SEZ6L: variants seen among roughly 807,000 people sequenced by gnomAD.
SEZ6L encodes seizure related 6 homolog like.
SEZ6L carries 37 observed loss-of-function variants against 106.2 expected under a neutral mutation model. The observed-to-expected ratio is 0.35, with a 90% CI of 0.27 to 0.46. SEZ6L has a LOEUF of 0.46. SEZ6L is among the 20% of genes least tolerant of loss of function. SEZ6L has a pLI of 1.00. For synonymous variants in SEZ6L, 541 were observed against 570.4 expected (o/e 0.95, Z 0.73); for missense variants, 1,172 against 1,332.8 (o/e 0.88, Z 1.88).
intron 1 of SEZ6L, among the ~76,000 whole-genome samples, chr22:26,220,216 A>G (rs2078424452): frequency 6.6e-6 from 1 of 152,238 alleles, no homozygotes; most frequent in South Asian, 2.1e-4. Flanking sequence ...GGACATCATC[A>G]TACATTGATC....
chr22:26,251,624 G>T (rs2079590785), intron 1 of SEZ6L, among the ~76,000 whole-genome samples: 1 of 152,196 alleles, frequency 6.6e-6, no homozygotes, highest in African/African-American at 2.4e-5. Context: ...TCCCATCTTG[G>T]TTAGCTTAGG....
intron 1 of SEZ6L, among the ~76,000 whole-genome samples, chr22:26,288,837 G>GCT (rs1345227573): frequency 2.6e-5 from 4 of 151,886 alleles, no homozygotes; most frequent in East Asian, 1.9e-4. Context: ...TTCCAATCTT[G>GCT]CTCTCTCTCT....
chr22:26,205,028 C>G (rs1014530163), intron 1 of SEZ6L, among the ~76,000 whole-genome samples: 3 of 152,212 alleles, frequency 2.0e-5, no homozygotes, highest in African/African-American at 7.2e-5. Context: ...AACTGAACCA[C>G]CAGATCTGGT....
chr22:26,351,011 A>G (rs374119775), intron 11 of SEZ6L, 41 bp from the exon 12 acceptor site: 20 of 1,566,110 alleles, frequency 1.3e-5, no homozygotes, highest in South Asian at 5.9e-5. Flanking sequence ...ATGGTCATCC[A>G]GAGGTCTGAC....
intron 1 of SEZ6L, among the ~76,000 whole-genome samples, chr22:26,278,561 G>A (rs1007160122): frequency 6.6e-6 from 1 of 152,120 alleles, no homozygotes; most frequent in African/African-American, 2.4e-5. Context: ...GTGTTTCTGA[G>A]TTAGTTCACT....
chr22:26,329,216 C>T (rs1212628417), intron 9 of SEZ6L, among the ~76,000 whole-genome samples: 1 of 152,024 alleles, frequency 6.6e-6, no homozygotes, highest in Non-Finnish European at 1.5e-5. Context: ...ACCTGTAATC[C>T]CAGCACTCTG....
At chr22:26,176,108 G>A (rs930327513) in intron 1 of SEZ6L, among the ~76,000 whole-genome samples, 3 of 152,294 alleles carry the variant, frequency 2.0e-5, no homozygotes, top group Admixed American at 6.5e-5. Flanking sequence ...CTGTATTCAC[G>A]TATTTGATCC....
At chr22:26,362,472 C>T (rs1941127) in intron 12 of SEZ6L, among the ~76,000 whole-genome samples, 106,206 of 152,126 alleles carry the variant, frequency 0.7, 37,487 homozygotes, top group East Asian at 0.96. Flanking sequence ...CTTCTGCAGC[C>T]ACCCAGGGTC....
chr22:26,366,664 T>C (rs190589140), intron 13 of SEZ6L, among the ~76,000 whole-genome samples: 1 of 151,404 alleles, frequency 6.6e-6, no homozygotes, highest in African/African-American at 2.4e-5. Context: ...GCTATGATCA[T>C]GCTACTGCAC....
At chr22:26,348,315 G>A (rs1219516878) in intron 11 of SEZ6L, among the ~76,000 whole-genome samples, 1 of 151,820 alleles carries the variant, frequency 6.6e-6, no homozygotes, top group South Asian at 2.1e-4. Context: ...GGGCAATACA[G>A]TGAGACCCTA....
chr22:26,310,037 A>AGATT (rs2081767332), intron 6 of SEZ6L, among the ~76,000 whole-genome samples: 1 of 152,240 alleles, frequency 6.6e-6, no homozygotes, highest in Non-Finnish European at 1.5e-5. Context: ...TTAGGCAATG[A>AGATT]GATTAGTCCA....
intron 1 of SEZ6L, among the ~76,000 whole-genome samples, chr22:26,239,676 C>G (rs188231438): frequency 6.6e-6 from 1 of 152,156 alleles, no homozygotes; most frequent in Admixed American, 6.5e-5. Flanking sequence ...TCCTCAGATC[C>G]AAGGGGCAAC....
chr22:26,328,200 A>G (rs1297352764), intron 9 of SEZ6L, among the ~76,000 whole-genome samples: 2 of 152,194 alleles, frequency 1.3e-5, no homozygotes, highest in Admixed American at 1.3e-4. Context: ...GTCCAGTCAC[A>G]GGTCAGAAAG....
At chr22:26,349,682 T>C (rs12158125) in intron 11 of SEZ6L, among the ~76,000 whole-genome samples, 2,887 of 152,290 alleles carry the variant, frequency 0.019, 91 homozygotes, top group African/African-American at 0.066. Context: ...TAAAAATTTT[T>C]TGTAGAGACA....
intron 9 of SEZ6L, among the ~76,000 whole-genome samples, chr22:26,329,469 A>T (rs997439045): frequency 7.1e-6 from 1 of 141,514 alleles, no homozygotes; most frequent in Non-Finnish European, 1.6e-5. Context: ...CACCATCTTT[A>T]AAAAAAAAGA....
chr22:26,213,674 G>T (rs536256839), intron 1 of SEZ6L, among the ~76,000 whole-genome samples: 1 of 152,312 alleles, frequency 6.6e-6, no homozygotes, highest in African/African-American at 2.4e-5. Flanking sequence ...TCTTAAATTA[G>T]AGTGTGGATT....
intron 1 of SEZ6L, among the ~76,000 whole-genome samples, chr22:26,198,586 T>C (rs1257606152): frequency 6.6e-6 from 1 of 152,266 alleles, no homozygotes; most frequent in Non-Finnish European, 1.5e-5. Context: ...TTCTAGATGC[T>C]GGCATTGGCA....
chr22:26,359,401 G>A (rs1318039606), intron 12 of SEZ6L, among the ~76,000 whole-genome samples: 2 of 152,126 alleles, frequency 1.3e-5, no homozygotes, highest in African/African-American at 2.4e-5. Flanking sequence ...GGTTAAGACC[G>A]GACTTGGACC....
intron 4 of SEZ6L, among the ~76,000 whole-genome samples, chr22:26,297,565 A>G (rs2081336305): frequency 6.6e-6 from 1 of 152,208 alleles, no homozygotes; most frequent in Non-Finnish European, 1.5e-5. Context: ...TCAAGTTCAC[A>G]GGCCCTGAAT....
Sources: gnomAD v4.1 joint callset for allele counts (sites outside exome capture counted in the v4.1 genomes callset) on GRCh38, gnomAD v4.1.1 for gene constraint, MANE v1.5 for transcripts, NCBI Gene and HGNC (gene_info 2026-07-23, HGNC 2026-07-21) for gene names.